Variants in SLC12A8 observed in about 807,000 individuals in gnomAD.
The protein encoded by SLC12A8 is solute carrier family 12 member 8, also known as cation-chloride cotransporter 9.
In SLC12A8, 69 loss-of-function variants were observed where a neutral mutation model predicts 75.6. The ratio of observed to expected loss-of-function variants is 0.91; its 90% confidence interval spans 0.75 to 1.11. The LOEUF (loss-of-function observed/expected upper bound fraction) is 1.11. SLC12A8 is among the 50% of genes most tolerant of loss of function. The pLI, the probability that SLC12A8 is intolerant of heterozygous loss-of-function variation, is 0.00. For synonymous variants in SLC12A8, 365 were observed against 372.8 expected (o/e 0.98, Z 0.24); for missense variants, 877 against 896.7 (o/e 0.98, Z 0.28).
intron 3 of SLC12A8, among the ~76,000 whole-genome samples, chr3:125,188,070 T>G (rs1934829525): frequency 2.6e-5 from 4 of 152,132 alleles, no homozygotes; most frequent in Admixed American, 2.0e-4. Flanking sequence ...ATCCCCAATG[T>G]TGGAGGTGGG....
chr3:125,210,245 G>A (rs1459380103), intron 2 of SLC12A8, among the ~76,000 whole-genome samples: 1 of 152,152 alleles, frequency 6.6e-6, no homozygotes, highest in Non-Finnish European at 1.5e-5. Flanking sequence ...TAAATACTTG[G>A]GTGAAGGTTT....
chr3:125,116,347 G>A (rs567872088), intron 8 of SLC12A8, among the ~76,000 whole-genome samples: 15 of 152,296 alleles, frequency 9.8e-5, no homozygotes, highest in African/African-American at 2.9e-4. Context: ...TGTCCTCTCC[G>A]AAAACTAAAT....
At chr3:125,190,111 G>A (rs571450799) in intron 3 of SLC12A8, among the ~76,000 whole-genome samples, 1 of 152,290 alleles carries the variant, frequency 6.6e-6, no homozygotes, top group African/African-American at 2.4e-5. Context: ...TCTCAAGTCC[G>A]GCTCATGATG....
At chr3:125,141,114 C>T (rs747473230) in intron 5 of SLC12A8, among the ~76,000 whole-genome samples, 1 of 147,652 alleles carries the variant, frequency 6.8e-6, no homozygotes, top group Non-Finnish European at 1.5e-5. Context: ...AATAAAAATA[C>T]TTTGGTCCAG....
chr3:125,084,064 G>A lies in SLC12A8; in HGVS notation c.1983-12C>T, dbSNP rs1423365123. The A allele has an allele frequency of 2.5e-6, 4 of 1,607,902 alleles. No individual in the cohort carries two copies. The South Asian group carries it at 4.4e-5, about 18-fold the overall frequency. On this transcript the variant is annotated splice_polypyrimidine_tract_variant and intron_variant, in intron 13 of 13. Coordinates refer to ENST00000469902, the MANE Select transcript of SLC12A8 (RefSeq NM_024628.6). ...GGGACCGCAAGCTCCTGCAGTGAGA[G>A]AGACACAGAGGATGGTGAGAAGGAC...
intron 10 of SLC12A8, among the ~76,000 whole-genome samples, chr3:125,098,274 T>C (rs1938768108): frequency 6.6e-6 from 1 of 152,216 alleles, no homozygotes; most frequent in Non-Finnish European, 1.5e-5. Context: ...ATGTTGATGT[T>C]ATAATTTGCT....
chr3:125,118,131 A>C (rs1452067467), intron 8 of SLC12A8, among the ~76,000 whole-genome samples: 1 of 152,258 alleles, frequency 6.6e-6, no homozygotes, highest in African/African-American at 2.4e-5. Context: ...CACTTGCTTA[A>C]CTGGGAATTT....
chr3:125,179,212 T>C (rs1934601218), intron 4 of SLC12A8, among the ~76,000 whole-genome samples: 1 of 152,222 alleles, frequency 6.6e-6, no homozygotes, highest in South Asian at 2.1e-4. Flanking sequence ...TTTTTCTGAA[T>C]AAATAGTAAG....
intron 10 of SLC12A8, among the ~76,000 whole-genome samples, chr3:125,105,800 T>C (rs1250222172): frequency 6.6e-6 from 1 of 151,932 alleles, no homozygotes; most frequent in Non-Finnish European, 1.5e-5. Flanking sequence ...GAGGCTGAGG[T>C]GGGTAGATCA....
At chr3:125,206,721 G>A (rs1935232944) in intron 2 of SLC12A8, 1 of 152,268 alleles carries the variant, frequency 6.6e-6, no homozygotes, top group South Asian at 2.1e-4. Flanking sequence ...GGCTGTACGG[G>A]AAGCATAGCA....
At chr3:125,086,490 G>A (rs1329337122) in intron 13 of SLC12A8, among the ~76,000 whole-genome samples, 1 of 152,150 alleles carries the variant, frequency 6.6e-6, no homozygotes, top group Non-Finnish European at 1.5e-5. Flanking sequence ...GCATTTTTAG[G>A]CTTTAAAACC....
At chr3:125,207,878 T>A (rs767370762) in intron 2 of SLC12A8, among the ~76,000 whole-genome samples, 2 of 152,202 alleles carry the variant, frequency 1.3e-5, no homozygotes, top group Admixed American at 6.5e-5. Flanking sequence ...CATCCAATCA[T>A]CAAATGAGCA....
chr3:125,204,768 T>G (rs1935194719), intron 2 of SLC12A8, among the ~76,000 whole-genome samples: 1 of 152,148 alleles, frequency 6.6e-6, no homozygotes, highest in Admixed American at 6.5e-5. Flanking sequence ...ATATTTGAGG[T>G]GATGGATACC....
chr3:125,166,331 CTT>C (rs55912634), intron 5 of SLC12A8, among the ~76,000 whole-genome samples: 103,907 of 151,922 alleles, frequency 0.68, 37,106 homozygotes, highest in East Asian at 0.77. Context: ...CATCTCGTCT[CTT>C]TTCCACCCTA....
rs1047118890 is a variant in SLC12A8, at chr3:125,082,993, T to C, written c.*897A>G. On this transcript the variant is annotated 3_prime_UTR_variant, in exon 14 of 14. Coordinates refer to ENST00000469902, the MANE Select transcript of SLC12A8 (RefSeq NM_024628.6). ...TGTATAACGTGCTAACTTTTGTGTA[T>C]AAAGAGAGAATGTGAGACTCTACAT... 6.6e-6 allele frequency: 1 copy of C among 152,228 alleles called. No individual in the cohort carries two copies. The highest frequency in any genetic ancestry group is 1.5e-5 in the Non-Finnish European group (1 of 68,040). 9.4% of individuals were successfully genotyped at this position (152,228 alleles called of 1,614,324 possible).
intron 10 of SLC12A8, among the ~76,000 whole-genome samples, chr3:125,096,734 T>C (rs988702239): frequency 6.6e-6 from 1 of 152,250 alleles, no homozygotes; most frequent in African/African-American, 2.4e-5. Context: ...GTCTGCAAGA[T>C]TGATCTGAAT....
intron 5 of SLC12A8, among the ~76,000 whole-genome samples, chr3:125,167,643 A>T (rs1024485730): frequency 5.9e-5 from 9 of 152,236 alleles, no homozygotes; most frequent in African/African-American, 2.2e-4. Context: ...AGAAAACCAA[A>T]GCTGAGAACA....
chr3:125,121,360 A>G (rs578074643), intron 6 of SLC12A8, among the ~76,000 whole-genome samples: 65 of 152,324 alleles, frequency 4.3e-4, no homozygotes, highest in African/African-American at 1.5e-3. Context: ...TATGAAAGCA[A>G]CAAGACAGGG....
chr3:125,142,087 C>T (rs958489277), intron 5 of SLC12A8, among the ~76,000 whole-genome samples: 1 of 152,232 alleles, frequency 6.6e-6, no homozygotes, highest in Non-Finnish European at 1.5e-5. Flanking sequence ...CAGCCCAGCG[C>T]CTCTCAGCAC....
Sources: allele counts gnomAD v4.1 joint callset (sites outside exome capture counted in the v4.1 genomes callset), GRCh38; gene constraint gnomAD v4.1.1; transcripts MANE v1.5; gene names NCBI Gene and HGNC (gene_info 2026-07-23, HGNC 2026-07-21).